Variants in SATB2 observed in about 807,000 individuals in gnomAD.
The protein encoded by SATB2 is DNA-binding protein SATB2.
SATB2 carries 1 observed loss-of-function variant against 73.4 expected under a neutral mutation model. The observed-to-expected ratio is 0.01, with a 90% confidence interval of 0.00 to 0.06. SATB2 has a LOEUF of 0.06. Among genes scored for constraint, SATB2 ranks in the 10% least tolerant of loss-of-function variants. The pLI is 1.00. For missense variants in SATB2, 459 were observed against 945.8 expected (o/e 0.49, Z 6.75); for synonymous variants, 397 against 367.0 (o/e 1.08, Z -0.93).
chr2:199,299,187 A>G (rs1687208898), intron 10 of SATB2, among the ~76,000 whole-genome samples: 1 of 152,184 alleles, frequency 6.6e-6, no homozygotes, highest in Non-Finnish European at 1.5e-5. Flanking sequence ...GTGGTCAGGG[A>G]GAAATTAGGG....
At position 199,351,994 on chromosome 2, in the gene SATB2, C is replaced by T. The variant is rs553376796; in HGVS notation, c.701-2821G>A. Among the ~76,000 whole-genome samples, 13 of 152,236 alleles carry T rather than the reference C, an allele frequency of 8.5e-5. No homozygotes were observed. In the South Asian group the frequency reaches 1.5e-3, roughly 17 times the overall value. On this transcript the variant is annotated intron_variant, in intron 6 of 10. Transcript: ENST00000417098. Reference sequence around the variant, plus strand: ...CAAGCTATTCTCGTGCTCAGCCTTCCGAGTAACTGGGATTACAGGCATATG... The same window carrying T: ...CAAGCTATTCTCGTGCTCAGCCTTCTGAGTAACTGGGATTACAGGCATATG...
intron 3 of SATB2, among the ~76,000 whole-genome samples, chr2:199,432,899 A>G (rs1229481264): frequency 6.6e-6 from 1 of 152,254 alleles, no homozygotes; most frequent in Admixed American, 6.5e-5. Context: ...TCAAAGAAAC[A>G]AAAGGATAAA....
intron 3 of SATB2, among the ~76,000 whole-genome samples, chr2:199,407,656 C>T (rs1690676169): frequency 1.3e-5 from 2 of 152,156 alleles, no homozygotes; most frequent in South Asian, 4.1e-4. Flanking sequence ...AATTACCCAC[C>T]TATTTCCATT....
chr2:199,439,161 T>G (rs536440629), intron 2 of SATB2, among the ~76,000 whole-genome samples: 1 of 152,356 alleles, frequency 6.6e-6, no homozygotes, highest in East Asian at 1.9e-4. Context: ...CTTCCGTTAT[T>G]CACAGACAAA....
At chr2:199,462,659 G>A (rs1157006525), upstream of SATB2, among the ~76,000 whole-genome samples, 2 of 152,318 alleles carry the variant, frequency 1.3e-5, no homozygotes, top group African/African-American at 4.8e-5. The surrounding 1 kb of genome is among the most constrained non-coding windows in gnomAD (Gnocchi z 5.9). Flanking sequence ...CAGCTCAGGG[G>A]GTCTGGGCGG....
At chr2:199,337,660 T>C (rs1432530077) in intron 7 of SATB2, among the ~76,000 whole-genome samples, 4 of 152,180 alleles carry the variant, frequency 2.6e-5, no homozygotes, top group Admixed American at 2.0e-4. Context: ...GTATTTCTTA[T>C]AGGTATTGCA....
intron 7 of SATB2, among the ~76,000 whole-genome samples, chr2:199,336,037 A>C (rs1279114759): frequency 4.6e-5 from 7 of 152,152 alleles, no homozygotes; most frequent in East Asian, 3.8e-4. Flanking sequence ...ACAATAGAGG[A>C]AATTAGCCAA....
intron 7 of SATB2, among the ~76,000 whole-genome samples, chr2:199,331,425 G>C (rs1024418387): frequency 6.6e-6 from 1 of 151,994 alleles, no homozygotes; most frequent in African/African-American, 2.4e-5. Context: ...TGTTTCATTT[G>C]CCTAATTGAA....
At chr2:199,375,488 A>G (rs958626660) in intron 5 of SATB2, among the ~76,000 whole-genome samples, 20 of 152,236 alleles carry the variant, frequency 1.3e-4, no homozygotes, top group African/African-American at 4.1e-4. Flanking sequence ...TATATGCCTC[A>G]GGCTACAATT....
chr2:199,289,279 CA>C (rs1349571198), intron 10 of SATB2, among the ~76,000 whole-genome samples: 2 of 152,136 alleles, frequency 1.3e-5, no homozygotes, highest in African/African-American at 4.8e-5. Flanking sequence ...CAAGGACAGG[CA>C]CTCTTGTTTA....
At chr2:199,385,121 C>T (rs1434346330) in intron 3 of SATB2, among the ~76,000 whole-genome samples, 1 of 151,986 alleles carries the variant, frequency 6.6e-6, no homozygotes, top group Non-Finnish European at 1.5e-5. Context: ...CAGATCTCCC[C>T]TACTTTTTTG....
chr2:199,451,091 A>AACACACACACACACACACAC (rs56071011), intron 2 of SATB2, among the ~76,000 whole-genome samples: 1 of 139,222 alleles, frequency 7.2e-6, no homozygotes, highest in Admixed American at 7.2e-5. Context: ...ATGTAGTTCC[A>AACACACACACACACACACAC]ACACACACAC....
At chr2:199,447,073 C>A (rs946508842) in intron 2 of SATB2, among the ~76,000 whole-genome samples, 2 of 152,102 alleles carry the variant, frequency 1.3e-5, no homozygotes, top group African/African-American at 2.4e-5. Flanking sequence ...GGTATCCCCA[C>A]CCTAAGTCAA....
chr2:199,384,467 A>C (rs1275677617), intron 3 of SATB2, among the ~76,000 whole-genome samples: 1 of 152,204 alleles, frequency 6.6e-6, no homozygotes, highest in Non-Finnish European at 1.5e-5. Flanking sequence ...AGTAACTCTT[A>C]ATGAGCCTTT....
At chr2:199,327,334 G>A (rs928147156) in intron 8 of SATB2, among the ~76,000 whole-genome samples, 13 of 152,066 alleles carry the variant, frequency 8.5e-5, no homozygotes, top group Admixed American at 5.2e-4. Context: ...CCAGCTACTC[G>A]GGAGGCCGAG....
chr2:199,332,318 G>A (rs1688212134), intron 7 of SATB2, among the ~76,000 whole-genome samples: 1 of 152,072 alleles, frequency 6.6e-6, no homozygotes, highest in Non-Finnish European at 1.5e-5. Flanking sequence ...ATGAACATCT[G>A]CACAAGGTAG....
intron 3 of SATB2, among the ~76,000 whole-genome samples, chr2:199,407,401 T>C (rs1690666072): frequency 6.6e-6 from 1 of 151,990 alleles, no homozygotes; most frequent in East Asian, 1.9e-4. Context: ...CTGAAAGTTA[T>C]CTCATAATCT....
intron 5 of SATB2, among the ~76,000 whole-genome samples, chr2:199,373,842 C>T (rs971042073): frequency 6.6e-6 from 1 of 152,212 alleles, no homozygotes; most frequent in Non-Finnish European, 1.5e-5. Flanking sequence ...CTAAAACAGA[C>T]AGTTGGCAAC....
At chr2:199,411,265 AAACTT>A (rs1322514825) in intron 3 of SATB2, among the ~76,000 whole-genome samples, 11 of 152,102 alleles carry the variant, frequency 7.2e-5, no homozygotes, top group African/African-American at 2.7e-4. Context: ...CTCTCACTTA[AAACTT>A]AACTCCATCC....
Sources: allele counts gnomAD v4.1 joint callset (sites outside exome capture counted in the v4.1 genomes callset), GRCh38; gene constraint gnomAD v4.1.1; non-coding constraint Gnocchi (gnomAD v3.1); transcripts MANE v1.5; gene names NCBI Gene and HGNC (gene_info 2026-07-23, HGNC 2026-07-21).